Variants in PPARGC1A observed in about 807,000 individuals in gnomAD.
PPARGC1A encodes the protein PPARG coactivator 1 alpha, also known as peroxisome proliferator-activated receptor gamma coactivator 1-alpha.
In PPARGC1A, 25 loss-of-function variants were observed where a neutral mutation model predicts 88.7. That is an observed-to-expected ratio of 0.28 (90% CI 0.21 to 0.39). The LOEUF is 0.39. PPARGC1A is among the 10% of genes least tolerant of loss of function. The pLI is 1.00. For synonymous variants in PPARGC1A, 363 were observed against 355.6 expected (o/e 1.02, Z -0.24); for missense variants, 880 against 968.7 (o/e 0.91, Z 1.22).
the PPARGC1A span, among the ~76,000 whole-genome samples, chr4:23,943,968 A>G: frequency 6.6e-6 from 1 of 152,202 alleles, no homozygotes; most frequent in South Asian, 2.1e-4. Flanking sequence ...GGAAAGTCTG[A>G]TAAACTGTCA....
At chr4:24,154,177 C>T in the PPARGC1A span, among the ~76,000 whole-genome samples, 1 of 152,160 alleles carries the variant, frequency 6.6e-6, no homozygotes, top group Non-Finnish European at 1.5e-5. Context: ...GTGATGCCCT[C>T]CCCTGGCCCT....
the PPARGC1A span, among the ~76,000 whole-genome samples, chr4:24,353,515 TA>T: frequency 6.6e-6 from 1 of 152,198 alleles, no homozygotes; most frequent in East Asian, 1.9e-4. Context: ...ACTCGGCCAC[TA>T]AACTTCAGAT....
intron 2 of PPARGC1A, among the ~76,000 whole-genome samples, chr4:23,834,258 C>A (rs1443286646): frequency 1.3e-5 from 2 of 152,028 alleles, no homozygotes; most frequent in African/African-American, 4.8e-5. Flanking sequence ...CAAGATCTTG[C>A]CACTGCACTC....
chr4:24,358,770 A>G, the PPARGC1A span, among the ~76,000 whole-genome samples: 1 of 152,232 alleles, frequency 6.6e-6, no homozygotes, highest in Non-Finnish European at 1.5e-5. Flanking sequence ...AGGTGTGGCC[A>G]GATCACTGCA....
the PPARGC1A span, among the ~76,000 whole-genome samples, chr4:24,278,509 A>C: frequency 3.3e-5 from 5 of 152,216 alleles, no homozygotes; most frequent in African/African-American, 1.2e-4. Flanking sequence ...TATGTACAAC[A>C]CTTAAGGCTA....
Position 23,871,248 on chromosome 4 carries a change from G to A in PPARGC1A, c.234+13504C>T, listed in dbSNP as rs147483426. Among the ~76,000 whole-genome samples the A allele has an allele frequency of 2.0e-5, 3 of 150,852 alleles. No homozygotes were observed. The East Asian group carries it at 5.8e-4, about 29-fold the overall frequency. On this transcript the variant is annotated intron_variant, in intron 2 of 12. Transcript: ENST00000264867. ...AGTGGTCCAGACTAGATTTGTCCCA[G>A]GAGAAACTGACACAAAGTCCTTCAG...
At chr4:24,000,930 A>T in the PPARGC1A span, among the ~76,000 whole-genome samples, 1 of 152,226 alleles carries the variant, frequency 6.6e-6, no homozygotes, top group Non-Finnish European at 1.5e-5. Context: ...ACTAAGATGA[A>T]TAAGGGAGCT....
At chr4:24,429,231 T>C in the PPARGC1A span, among the ~76,000 whole-genome samples, 1 of 152,192 alleles carries the variant, frequency 6.6e-6, no homozygotes, top group Admixed American at 6.5e-5. Flanking sequence ...GTGCTGTGTA[T>C]ACACTTGCTC....
At chr4:24,296,575 C>T in the PPARGC1A span, among the ~76,000 whole-genome samples, 3 of 152,254 alleles carry the variant, frequency 2.0e-5, no homozygotes, top group South Asian at 6.2e-4. Context: ...ACCTTAATTT[C>T]AACATGGTTG....
intron 12 of PPARGC1A, among the ~76,000 whole-genome samples, chr4:23,801,386 C>G (rs1307810927): frequency 6.6e-6 from 1 of 152,012 alleles, no homozygotes; most frequent in African/African-American, 2.4e-5. Flanking sequence ...CACAGAGATA[C>G]ACACAATACA....
At chr4:24,002,068 T>TCACACACACACACACACACACA in the PPARGC1A span, among the ~76,000 whole-genome samples, 3 of 122,950 alleles carry the variant, frequency 2.4e-5, no homozygotes, top group Non-Finnish European at 3.5e-5. Context: ...GATGATAAAT[T>TCACACACACACACACACACACA]CACACACACA....
chr4:24,464,919 C>G, the PPARGC1A span, among the ~76,000 whole-genome samples: 1 of 152,220 alleles, frequency 6.6e-6, no homozygotes, highest in Non-Finnish European at 1.5e-5. Context: ...CAAGCTTCCC[C>G]TCTGCTTCAG....
upstream of PPARGC1A, among the ~76,000 whole-genome samples, chr4:23,901,369 C>CAAAAA (rs766239228): frequency 3.5e-4 from 25 of 71,708 alleles, no homozygotes; most frequent in East Asian, 2.2e-3. Context: ...GACTCCGTCT[C>CAAAAA]AAAAAAAAAA....
the PPARGC1A span, among the ~76,000 whole-genome samples, chr4:23,997,394 G>T: frequency 6.6e-6 from 1 of 151,618 alleles, no homozygotes; most frequent in Non-Finnish European, 1.5e-5. Context: ...AGGATTACAG[G>T]ATTAAGAGGC....
chr4:23,814,316 T>G lies in PPARGC1A; in HGVS notation c.1167A>C (p.Ser389=), dbSNP rs1444912682. The part of the protein sequence containing the change: ...RLFGDHDYCQ[S]INSKTEILIN... The stretch of plus-strand genomic sequence containing the variant: ...TGAGTATTTCTGTTTTGGAATTAAT[T>G]GACTGGCAATAGTCATGGTCACCAA... Residue 389 remains serine (S), a synonymous_variant, in exon 8 of 13, where the codon TCA becomes TCC. Coordinates refer to ENST00000264867, the MANE Select transcript of PPARGC1A (RefSeq NM_013261.5). 1 of 1,614,048 alleles carries G rather than the reference T, an allele frequency of 6.2e-7. No individual in the cohort carries two copies. Among genetic ancestry groups the G allele is most frequent in the Non-Finnish European group, 8.5e-7 (1 of 1,179,986 alleles).
At chr4:24,285,490 T>C in the PPARGC1A span, among the ~76,000 whole-genome samples, 1 of 152,172 alleles carries the variant, frequency 6.6e-6, no homozygotes, top group Non-Finnish European at 1.5e-5. Flanking sequence ...CGACTTGATG[T>C]TTCATGGTAG....
At chr4:24,443,061 G>T in the PPARGC1A span, among the ~76,000 whole-genome samples, 1 of 152,040 alleles carries the variant, frequency 6.6e-6, no homozygotes, top group East Asian at 1.9e-4. Flanking sequence ...ATAATAATTT[G>T]TATGTAGTTC....
At chr4:24,341,650 A>G in the PPARGC1A span, among the ~76,000 whole-genome samples, 2 of 152,344 alleles carry the variant, frequency 1.3e-5, no homozygotes, top group South Asian at 2.1e-4. Context: ...AATTTAAGAA[A>G]TGAAGGATAA....
chr4:23,935,699 G>A, the PPARGC1A span, among the ~76,000 whole-genome samples: 4 of 152,058 alleles, frequency 2.6e-5, no homozygotes, highest in Admixed American at 1.3e-4. Flanking sequence ...TGTTTTACAT[G>A]TGAGAAAAAC....
Sources: allele counts gnomAD v4.1 joint callset (sites outside exome capture counted in the v4.1 genomes callset), GRCh38; gene constraint gnomAD v4.1.1; transcripts MANE v1.5; gene names NCBI Gene and HGNC (gene_info 2026-07-23, HGNC 2026-07-21).